ST3GAL3: variants seen among roughly 807,000 people sequenced by gnomAD.
ST3GAL3 encodes the protein CMP-N-acetylneuraminate-beta-1,4-galactoside alpha-2,3-sialyltransferase.
ST3GAL3 carries 21 observed loss-of-function variants against 50.1 expected under a neutral mutation model. The ratio of observed to expected loss-of-function variants is 0.42; its 90% confidence interval spans 0.30 to 0.60. The LOEUF (loss-of-function observed/expected upper bound fraction) is 0.60. Ranked by LOEUF, ST3GAL3 falls within the 20% of genes least tolerant of loss-of-function variation. ST3GAL3 has a pLI of 0.19. For missense variants in ST3GAL3, 353 were observed against 489.4 expected (o/e 0.72, Z 2.63); for synonymous variants, 183 against 190.0 (o/e 0.96, Z 0.30).
chr1:43,899,064 C>T lies in ST3GAL3; in HGVS notation c.462-104C>T. ...GCCCATTGGTCTTCTTCCTCTATCC[C>T]AGCCTGGTCCTGGACAAGGGCGTGG... On this transcript the variant is annotated intron_variant, in intron 7 of 11. Transcript: ENST00000347631. This position sits in a 1 kb window ranked among gnomAD's most constrained non-coding sequence, Gnocchi z 5.4. 2 of 1,536,146 alleles carry T rather than the reference C, an allele frequency of 1.3e-6. No homozygotes were observed. The highest frequency in any genetic ancestry group is 2.3e-5 in the South Asian group (2 of 87,118).
At chr1:43,863,916 C>T (rs1438074286) in intron 5 of ST3GAL3, among the ~76,000 whole-genome samples, 1 of 152,222 alleles carries the variant, frequency 6.6e-6, no homozygotes, top group East Asian at 1.9e-4. Context: ...TCTGCCCCTC[C>T]CTGAACCCCT....
intron 1 of ST3GAL3, among the ~76,000 whole-genome samples, chr1:43,717,646 C>T (rs1668038289): frequency 6.6e-6 from 1 of 151,510 alleles, no homozygotes; most frequent in Admixed American, 6.6e-5. Context: ...TACAGGTGCA[C>T]ACCACCATGC....
intron 1 of ST3GAL3, among the ~76,000 whole-genome samples, chr1:43,710,401 C>T (rs1664083144): frequency 6.6e-6 from 1 of 152,190 alleles, no homozygotes; most frequent in Admixed American, 6.5e-5. Context: ...CTTCTTTTCA[C>T]TCCTACTGTC....
At chr1:43,896,334 A>G (rs2077381865) in intron 6 of ST3GAL3, among the ~76,000 whole-genome samples, 1 of 152,144 alleles carries the variant, frequency 6.6e-6, no homozygotes, top group Admixed American at 6.5e-5. Flanking sequence ...TGTTATTTTT[A>G]ATTTTGGAGA....
chr1:43,759,290 A>C (rs1689399604), intron 2 of ST3GAL3, among the ~76,000 whole-genome samples: 2 of 151,998 alleles, frequency 1.3e-5, no homozygotes, highest in African/African-American at 4.8e-5. Flanking sequence ...CTAAAAATAC[A>C]AAAATTAGCT....
intron 1 of ST3GAL3, among the ~76,000 whole-genome samples, chr1:43,724,187 A>G (rs1483939798): frequency 1.3e-5 from 2 of 152,036 alleles, no homozygotes; most frequent in Admixed American, 1.3e-4. Flanking sequence ...GTTGGGGAAT[A>G]TAATTGTAAA....
intron 2 of ST3GAL3, among the ~76,000 whole-genome samples, chr1:43,757,475 A>G (rs918761715): frequency 6.6e-6 from 1 of 152,188 alleles, no homozygotes; most frequent in Non-Finnish European, 1.5e-5. Context: ...GATCAATGAG[A>G]CAGAAAACAG....
chr1:43,885,648 C>G (rs2075864549), intron 5 of ST3GAL3, among the ~76,000 whole-genome samples: 1 of 152,226 alleles, frequency 6.6e-6, no homozygotes, highest in Non-Finnish European at 1.5e-5. Flanking sequence ...GGATTCTGTT[C>G]CAGGCATAGC....
At chr1:43,898,112 C>A in intron 6 of ST3GAL3, 123 bp from the exon 7 acceptor site, 3 of 1,010,676 alleles carry the variant, frequency 3.0e-6, no homozygotes, top group Non-Finnish European at 4.6e-6. Context: ...GTGTCCAGAG[C>A]TCTCTCCACT....
chr1:43,845,956 T>C (rs1467084513), intron 5 of ST3GAL3, among the ~76,000 whole-genome samples: 1 of 152,208 alleles, frequency 6.6e-6, no homozygotes, highest in Non-Finnish European at 1.5e-5. Flanking sequence ...CCAGATATCT[T>C]TGTGTTATAG....
intron 11 of ST3GAL3, among the ~76,000 whole-genome samples, chr1:43,925,321 T>G (rs2083733116): frequency 9.5e-6 from 1 of 105,080 alleles, no homozygotes; most frequent in Non-Finnish European, 2.2e-5. Flanking sequence ...AGAGTGTAGC[T>G]TCTCAAATCA....
chr1:43,736,536 C>T (rs1571793773), intron 2 of ST3GAL3, 156 bp downstream of exon 2: 1 of 1,278,518 alleles, frequency 7.8e-7, no homozygotes, highest in African/African-American at 1.5e-5. Context: ...GCCATTTTAG[C>T]TGGTATAGGC....
At chr1:43,919,834 C>A (rs1361996521) in intron 9 of ST3GAL3, 1 of 170,020 alleles carries the variant, frequency 5.9e-6, no homozygotes, top group African/African-American at 2.4e-5. Context: ...GTTAAAGAAA[C>A]AGGCTTGGAG....
At chr1:43,779,688 C>G (rs754941557) in intron 2 of ST3GAL3, among the ~76,000 whole-genome samples, 1 of 152,206 alleles carries the variant, frequency 6.6e-6, no homozygotes, top group Admixed American at 6.5e-5. Context: ...TCCAATTCTT[C>G]TAATACGGTT....
At chr1:43,800,227 T>G (rs1031497336) in intron 3 of ST3GAL3, among the ~76,000 whole-genome samples, 2 of 152,240 alleles carry the variant, frequency 1.3e-5, no homozygotes, top group African/African-American at 4.8e-5. Flanking sequence ...GTTTGTAAAC[T>G]TCTAAGTTAT....
At chr1:43,727,709 A>C (rs150369875) in intron 1 of ST3GAL3, among the ~76,000 whole-genome samples, 1 of 152,326 alleles carries the variant, frequency 6.6e-6, no homozygotes, top group Non-Finnish European at 1.5e-5. Context: ...ATAACTTTGA[A>C]AAATCATTTA....
chr1:43,833,282 T>G (rs1342622684), intron 4 of ST3GAL3, among the ~76,000 whole-genome samples: 1 of 152,196 alleles, frequency 6.6e-6, no homozygotes, highest in African/African-American at 2.4e-5. Flanking sequence ...AGTCCAGCAT[T>G]TTATTGGGTA....
At chr1:43,864,273 T>C (rs2070762453) in intron 5 of ST3GAL3, among the ~76,000 whole-genome samples, 3 of 152,054 alleles carry the variant, frequency 2.0e-5, no homozygotes, top group Admixed American at 2.0e-4. Context: ...AGCAAAACTC[T>C]GTCTCAGGGA....
chr1:43,921,713 C>T (rs1269301001), intron 11 of ST3GAL3: 1 of 398,756 alleles, frequency 2.5e-6, no homozygotes, highest in African/African-American at 2.1e-5. Context: ...CCATCATCCC[C>T]CTCCACTATT....
Sources: allele counts gnomAD v4.1 joint callset (sites outside exome capture counted in the v4.1 genomes callset), GRCh38; gene constraint gnomAD v4.1.1; non-coding constraint Gnocchi (gnomAD v3.1); transcripts MANE v1.5; gene names NCBI Gene and HGNC (gene_info 2026-07-23, HGNC 2026-07-21).